The following MRC2 variants were observed in gnomAD, a reference collection of about 807,000 sequenced individuals.
The protein encoded by MRC2 is C-type mannose receptor 2.
MRC2 carries 84 observed loss-of-function variants against 206.2 expected under a neutral mutation model. The observed-to-expected ratio is 0.41, with a 90% CI of 0.34 to 0.49. MRC2 has a LOEUF of 0.49. MRC2 is among the 20% of genes least tolerant of loss of function. The pLI, the probability that MRC2 is intolerant of heterozygous loss-of-function variation, is 0.31. For synonymous variants in MRC2, 798 were observed against 800.0 expected, an observed-to-expected ratio of 1.00 and a Z score of 0.04; for missense variants, 1,676 against 2,001.5, an observed-to-expected ratio of 0.84 and a Z score of 3.10.
intron 20 of MRC2, among the ~76,000 whole-genome samples, chr17:62,685,539 GT>G (rs1251629735): frequency 6.6e-6 from 1 of 152,046 alleles, no homozygotes. Context: ...AGTTCTGTTT[GT>G]TTTTGTTTTT....
chr17:62,630,277 A>G (rs1423931172), intron 1 of MRC2, among the ~76,000 whole-genome samples: 12 of 152,182 alleles, frequency 7.9e-5, no homozygotes, highest in Admixed American at 7.8e-4. Context: ...GCAAGTTCCC[A>G]TTTCATTTTG....
Position 62,692,053 on chromosome 17 carries a change from TA to T in MRC2, c.4193-57del. 1 of 1,609,538 alleles carries T rather than the reference TA, an allele frequency of 6.2e-7. No homozygotes were observed. Among genetic ancestry groups the T allele is most frequent in the Non-Finnish European group, 8.5e-7 (1 of 1,175,970 alleles). ...GGCCTGTGTGCTTTGTATGTTTACT[TA>T]AGTGATTATTACGATGATCACTGCT... On this transcript the variant is annotated intron_variant, in intron 28 of 29. Transcript: ENST00000303375. The surrounding 1 kb of genome is among the most constrained non-coding windows in gnomAD (Gnocchi z 4.2).
At chr17:62,632,364 T>C (rs2088251861) in intron 1 of MRC2, among the ~76,000 whole-genome samples, 1 of 152,192 alleles carries the variant, frequency 6.6e-6, no homozygotes, top group Non-Finnish European at 1.5e-5. Flanking sequence ...ACCAGCCTCT[T>C]GGCTCTGCAC....
intron 1 of MRC2, among the ~76,000 whole-genome samples, chr17:62,638,535 C>T (rs564012128): frequency 2.7e-4 from 41 of 151,452 alleles, no homozygotes; most frequent in Middle Eastern, 3.4e-3. Context: ...GTCAGGAGTT[C>T]GAGACCAGCC....
intron 1 of MRC2, among the ~76,000 whole-genome samples, chr17:62,643,342 A>AG (rs33963475): frequency 0.011 from 425 of 38,610 alleles, 4 homozygotes; most frequent in African/African-American, 0.022. Context: ...AAAAAAAAAA[A>AG]AAAAAGAAAA....
At chr17:62,640,179 C>G (rs1047609371) in intron 1 of MRC2, among the ~76,000 whole-genome samples, 2 of 151,830 alleles carry the variant, frequency 1.3e-5, no homozygotes, top group Non-Finnish European at 2.9e-5. Flanking sequence ...CCAGCTGATT[C>G]TTACAAGGAA....
In MRC2 at chr17:62,668,956, T is replaced by G. The variant is rs2088791557; in HGVS notation, c.1117+1423T>G. On this transcript the variant is annotated intron_variant, in intron 6 of 29. Coordinates refer to ENST00000303375, the MANE Select transcript of MRC2 (RefSeq NM_006039.5). ...AGGTTGTTGTGAGGAAGGCTGGAGA[T>G]CTGGCCTGGCACGAAGGAGTTTTTC... Among the ~76,000 whole-genome samples the G allele has an allele frequency of 2.6e-5, 4 of 152,090 alleles. No homozygotes were observed. The South Asian group carries it at 8.3e-4, about 32-fold the overall frequency.
At chr17:62,661,234 T>C (rs2088675640) in intron 1 of MRC2, among the ~76,000 whole-genome samples, 1 of 152,214 alleles carries the variant, frequency 6.6e-6, no homozygotes, top group South Asian at 2.1e-4. Flanking sequence ...AGTAAGAGGC[T>C]GAATCTCATT....
At chr17:62,683,770 T>C (rs2089000010) in intron 20 of MRC2, 1 of 151,336 alleles carries the variant, frequency 6.6e-6, no homozygotes, top group Non-Finnish European at 1.5e-5. Flanking sequence ...AGGTGGGAAG[T>C]GGGAGGATCT....
At position 62,667,364 on chromosome 17, in the gene MRC2, G is replaced by T. The variant is rs552115545; in HGVS notation, c.974-26G>T. On this transcript the variant is annotated intron_variant, in intron 5 of 29. Coordinates refer to ENST00000303375, the MANE Select transcript of MRC2 (RefSeq NM_006039.5). The surrounding 1 kb of genome is among the most constrained non-coding windows in gnomAD (Gnocchi z 4.1). ...ACGGTGTGAGCTTCTCTCTCCGGGG[G>T]TGCTGGCGCCCTGCCCTCCCCACAG... 1.9e-6 allele frequency: 3 copies of T among 1,573,854 alleles called. No individual in the cohort carries two copies. Among genetic ancestry groups the T allele is most frequent in the Non-Finnish European group, 1.7e-6 (2 of 1,161,222 alleles).
chr17:62,675,447 C>T lies in MRC2; in HGVS notation c.1570-343C>T, dbSNP rs2088879331. The stretch of plus-strand genomic sequence containing the variant: ...CAGCCTTTAGCTGTGGTTTCCCAGC[C>T]AACAGTAATTTCCCCACTGTGTCTC... On this transcript the variant is annotated intron_variant, in intron 9 of 29. Coordinates refer to ENST00000303375, the MANE Select transcript of MRC2 (RefSeq NM_006039.5). This position sits in a 1 kb window ranked among gnomAD's most constrained non-coding sequence, Gnocchi z 4.1. Among the ~76,000 whole-genome samples the T allele has an allele frequency of 6.6e-6, 1 of 152,212 alleles. No homozygotes were observed. The highest frequency in any genetic ancestry group is 2.4e-5 in the African/African-American group (1 of 41,446).
intron 11 of MRC2, 111 bp downstream of exon 11, chr17:62,676,642 T>G: frequency 1.0e-5 from 13 of 1,272,656 alleles, no homozygotes; most frequent in East Asian, 2.5e-5. Context: ...ATTGGTGCAC[T>G]GTGGTGTAGT....
intron 1 of MRC2, among the ~76,000 whole-genome samples, chr17:62,659,958 C>A (rs904492663): frequency 4.1e-4 from 63 of 152,170 alleles, no homozygotes; most frequent in Non-Finnish European, 1.6e-4. Flanking sequence ...GTGTGTCAGG[C>A]AGAACTGTAG....
intron 13 of MRC2, 35 bp from the exon 14 acceptor site, chr17:62,679,765 A>G (rs2088937486): frequency 6.2e-6 from 10 of 1,602,534 alleles, no homozygotes; most frequent in Non-Finnish European, 8.5e-6. Flanking sequence ...CTCACTTCCC[A>G]TCTCTTCCGT....
Position 62,690,936 on chromosome 17 carries a change from T to G in MRC2, c.4013-13T>G. 1 of 1,585,422 alleles carries G rather than the reference T, an allele frequency of 6.3e-7. No homozygotes were observed. Among genetic ancestry groups the G allele is most frequent in the Non-Finnish European group, 8.6e-7 (1 of 1,166,910 alleles). On this transcript the variant is annotated splice_polypyrimidine_tract_variant and intron_variant, in intron 27 of 29. Transcript: ENST00000303375. ...ACCTTGTCCCTGCTCCCTCAGTGCC[T>G]TCTTTCCTGCAGGAGGCACTCTGGT...
chr17:62,645,500 TA>T (rs34563606), intron 1 of MRC2, among the ~76,000 whole-genome samples: 2,356 of 67,986 alleles, frequency 0.035, 104 homozygotes, highest in African/African-American at 0.073. Context: ...GTATATATTA[TA>T]TATATATATA....
At chr17:62,684,572 T>C (rs2147487491) in intron 20 of MRC2, among the ~76,000 whole-genome samples, 1 of 152,332 alleles carries the variant, frequency 6.6e-6, no homozygotes, top group African/African-American at 2.4e-5. Flanking sequence ...GCTGATTTAT[T>C]AGACCTGATT....
In MRC2 at chr17:62,675,542, G is replaced by T. The variant is rs981345996; in HGVS notation, c.1570-248G>T. Among the ~76,000 whole-genome samples, 2 of 152,178 alleles carry T rather than the reference G, an allele frequency of 1.3e-5. No individual in the cohort carries two copies. The highest frequency in any genetic ancestry group is 4.8e-5 in the African/African-American group (2 of 41,416). On this transcript the variant is annotated intron_variant, in intron 9 of 29. Transcript: ENST00000303375. The surrounding 1 kb of genome is among the most constrained non-coding windows in gnomAD (Gnocchi z 4.1). ...TCCCGAGCCGGGTCACTGGCCGGTCGCTGGTGGCCTGCCAATCAGCCACGC... is the reference window on the plus strand; with the variant it reads ...TCCCGAGCCGGGTCACTGGCCGGTCTCTGGTGGCCTGCCAATCAGCCACGC...
rs1433622157 is a variant in MRC2 at position 62,666,396 on chromosome 17, G to T, written c.695-59G>T. ...TAGTGTAGCCTTTTGGTGGGGGAGG[G>T]TCTGCACTCCCGAGGGACCCTGGAG... On this transcript the variant is annotated intron_variant, in intron 3 of 29. Transcript: ENST00000303375. This position sits in a 1 kb window ranked among gnomAD's most constrained non-coding sequence, Gnocchi z 5.0. 4 of 1,609,822 alleles carry T rather than the reference G, an allele frequency of 2.5e-6. No individual in the cohort carries two copies. The highest frequency in any genetic ancestry group is 2.2e-5 in the East Asian group (1 of 44,852).
Sources: allele counts gnomAD v4.1 joint callset (sites outside exome capture counted in the v4.1 genomes callset), GRCh38; gene constraint gnomAD v4.1.1; non-coding constraint Gnocchi (gnomAD v3.1); transcripts MANE v1.5; gene names NCBI Gene and HGNC (gene_info 2026-07-23, HGNC 2026-07-21).